The following PLOD2 variants were observed in gnomAD, a reference collection of about 807,000 sequenced individuals.
The protein encoded by PLOD2 is lysine hydroxylase 2.
A neutral mutation model predicts 101.0 loss-of-function variants in PLOD2; 65 were observed. That is an observed-to-expected ratio of 0.64 (90% confidence interval 0.53 to 0.79). PLOD2 has a LOEUF of 0.79. PLOD2 is among the 30% of genes least tolerant of loss of function. PLOD2 has a pLI of 0.00. For synonymous variants in PLOD2, 314 were observed against 302.9 expected, an observed-to-expected ratio of 1.04 and a Z score of -0.38; for missense variants, 909 against 914.6, an observed-to-expected ratio of 0.99 and a Z score of 0.08.
intron 6 of PLOD2, 125 bp from the exon 7 acceptor site, chr3:146,102,977 C>A: frequency 1.6e-6 from 1 of 629,922 alleles, no homozygotes; most frequent in Non-Finnish European, 2.9e-6. Context: ...TGTAATATTC[C>A]AAGTGCTACA....
At chr3:146,100,804 C>A (rs1448094665) in intron 7 of PLOD2, among the ~76,000 whole-genome samples, 1 of 152,058 alleles carries the variant, frequency 6.6e-6, no homozygotes, top group African/African-American at 2.4e-5. Flanking sequence ...CCTTGTATGA[C>A]AAGTTGAGGA....
At chr3:146,159,663 AAAGTT>A (rs2032475985) in intron 1 of PLOD2, among the ~76,000 whole-genome samples, 1 of 152,208 alleles carries the variant, frequency 6.6e-6, no homozygotes, top group Non-Finnish European at 1.5e-5. Flanking sequence ...AAATTATGCA[AAAGTT>A]TAGTTCAAAT....
chr3:146,083,993 T>C (rs1006694583), intron 11 of PLOD2, among the ~76,000 whole-genome samples: 2 of 151,950 alleles, frequency 1.3e-5, no homozygotes, highest in East Asian at 1.9e-4. Context: ...TTAATAAATA[T>C]ATAAATTATA....
Position 146,087,396 on chromosome 3 carries a change from T to C in PLOD2, c.1006-488A>G, listed in dbSNP as rs554808081. ...CAAAATACCCTTTGAAACCAGAGAG[T>C]AAAATAAATGGTCATATATAAAAAA... On this transcript the variant is annotated intron_variant, in intron 9 of 19. Transcript: ENST00000282903. Among the ~76,000 whole-genome samples, 6 of 151,718 alleles carry C rather than the reference T, an allele frequency of 4.0e-5. No homozygotes were observed. In the East Asian group the frequency reaches 1.2e-3, roughly 29 times the overall value.
intron 14 of PLOD2, 158 bp downstream of exon 14, chr3:146,077,704 A>C: frequency 3.6e-6 from 2 of 558,884 alleles, no homozygotes; most frequent in South Asian, 5.1e-5. Flanking sequence ...ACCCATGCCC[A>C]AGTCACACAA....
At chr3:146,077,235 T>G in intron 14 of PLOD2, 2 of 897,686 alleles carry the variant, frequency 2.2e-6, no homozygotes, top group Non-Finnish European at 2.7e-6. Context: ...GTGCAATGAA[T>G]TATACCTCTT....
chr3:146,083,577 CTTTTTTTTTTT>C (rs869301001), intron 11 of PLOD2, among the ~76,000 whole-genome samples: 1 of 75,792 alleles, frequency 1.3e-5, no homozygotes, highest in East Asian at 4.2e-4. Flanking sequence ...AAGTCTTTTT[CTTTTTTTTTTT>C]TTTTTTTTTT....
At chr3:146,123,181 C>T (rs3804659) in intron 2 of PLOD2, 6 of 281,892 alleles carry the variant, frequency 2.1e-5, no homozygotes, top group Non-Finnish European at 2.5e-5. Context: ...TAATATACTA[C>T]ATACTCAAAT....
chr3:146,113,384 T>A (rs1937739953), intron 3 of PLOD2, among the ~76,000 whole-genome samples: 1 of 152,180 alleles, frequency 6.6e-6, no homozygotes, highest in African/African-American at 2.4e-5. Flanking sequence ...TTATTTTGGC[T>A]GTAAAAAGTC....
intron 1 of PLOD2, among the ~76,000 whole-genome samples, chr3:146,150,508 A>G (rs1363706354): frequency 6.6e-6 from 1 of 152,232 alleles, no homozygotes; most frequent in Admixed American, 6.5e-5. Flanking sequence ...TCTCACTTAT[A>G]TGTGGAAGCT....
Position 146,161,024 on chromosome 3 carries a change from C to A in PLOD2, c.-35G>T. ...TCGAGGGCCGCGCGGGCTCAGGCGC[C>A]CACGGCCCCGCAGCGCCGCGCTTCT... On this transcript the variant is annotated 5_prime_UTR_variant, in exon 1 of 20. Coordinates refer to ENST00000282903, the MANE Select transcript of PLOD2 (RefSeq NM_182943.3). 1 of 1,379,056 alleles carries A rather than the reference C, an allele frequency of 7.3e-7. No individual in the cohort carries two copies. The allele number at this position is 1,379,056 out of a possible 1,614,324, so 85.4% of individuals were successfully genotyped here.
At chr3:146,116,833 A>AT (rs555034145) in intron 3 of PLOD2, among the ~76,000 whole-genome samples, 6 of 152,162 alleles carry the variant, frequency 3.9e-5, no homozygotes, top group Middle Eastern at 3.4e-3. Context: ...AAATATCTAA[A>AT]TTTTTTTATC....
At chr3:146,133,810 T>C (rs2031068603) in intron 1 of PLOD2, among the ~76,000 whole-genome samples, 1 of 152,154 alleles carries the variant, frequency 6.6e-6, no homozygotes, top group Admixed American at 6.5e-5. Context: ...TTATGGGCCT[T>C]ACTTGAATAC....
intron 3 of PLOD2, among the ~76,000 whole-genome samples, chr3:146,110,795 T>C (rs1218208997): frequency 2.0e-5 from 3 of 152,168 alleles, no homozygotes; most frequent in African/African-American, 7.2e-5. Context: ...ATAATACAGA[T>C]AGAATCATTT....
chr3:146,143,989 C>G (rs527573040), intron 1 of PLOD2, among the ~76,000 whole-genome samples: 1 of 152,130 alleles, frequency 6.6e-6, no homozygotes, highest in South Asian at 2.1e-4. Flanking sequence ...ACACATCAAA[C>G]ACATCCTCAG....
chr3:146,156,807 G>A (rs2032318083), intron 1 of PLOD2, among the ~76,000 whole-genome samples: 3 of 152,304 alleles, frequency 2.0e-5, no homozygotes, highest in African/African-American at 7.2e-5. Context: ...ATGAGGTCAG[G>A]AAAGACAAGC....
intron 1 of PLOD2, among the ~76,000 whole-genome samples, chr3:146,145,420 T>C (rs867371092): frequency 5.3e-5 from 8 of 152,162 alleles, no homozygotes; most frequent in Middle Eastern, 3.4e-3. Context: ...CAAATGAAAT[T>C]TTAAAATAAA....
intron 11 of PLOD2, 52 bp downstream of exon 11, chr3:146,085,117 T>G: frequency 1.2e-6 from 1 of 852,550 alleles, no homozygotes; most frequent in Non-Finnish European, 2.0e-6. Context: ...TTCACATCAA[T>G]ATGAAAAATA....
intron 9 of PLOD2, among the ~76,000 whole-genome samples, chr3:146,087,701 C>T (rs916327186): frequency 5.9e-5 from 9 of 151,558 alleles, no homozygotes; most frequent in Admixed American, 4.6e-4. Context: ...CAAAAACGTC[C>T]GCCATCAAGG....
Sources: gnomAD v4.1 joint callset for allele counts (sites outside exome capture counted in the v4.1 genomes callset) on GRCh38, gnomAD v4.1.1 for gene constraint, MANE v1.5 for transcripts, NCBI Gene and HGNC (gene_info 2026-07-23, HGNC 2026-07-21) for gene names.